Variants in UBLCP1 observed in about 807,000 individuals in gnomAD.
UBLCP1 encodes the protein ubiquitin-like domain-containing CTD phosphatase 1.
In UBLCP1, 28 loss-of-function variants were observed where a neutral mutation model predicts 42.4. The ratio of observed to expected loss-of-function variants is 0.66; its 90% CI spans 0.49 to 0.90. The LOEUF (loss-of-function observed/expected upper bound fraction) is 0.90, where lower values mean the gene tolerates loss of function less well. Ranked by LOEUF, UBLCP1 falls within the 40% of genes least tolerant of loss-of-function variation. The probability of loss-of-function intolerance (pLI) is 0.00; values close to 1 mark genes in which losing one functional copy is unlikely to be tolerated. For missense variants in UBLCP1, 279 were observed against 374.5 expected (o/e 0.75, Z 2.10); for synonymous variants, 122 against 120.8 (o/e 1.01, Z -0.07).
intron 8 of UBLCP1, among the ~76,000 whole-genome samples, chr5:159,277,321 T>G (rs1753551455): frequency 6.6e-6 from 1 of 152,084 alleles, no homozygotes; most frequent in Non-Finnish European, 1.5e-5. Flanking sequence ...TTCTCCAAAT[T>G]AAATTATAGG....
intron 8 of UBLCP1, among the ~76,000 whole-genome samples, chr5:159,275,715 G>A (rs763097769): frequency 1.3e-4 from 20 of 152,146 alleles, no homozygotes; most frequent in Non-Finnish European, 2.6e-4. Flanking sequence ...CCCAGCCAAG[G>A]TTAAAAGATT....
intron 6 of UBLCP1, among the ~76,000 whole-genome samples, chr5:159,273,036 CT>C (rs1220847956): frequency 1.3e-5 from 2 of 152,124 alleles, no homozygotes; most frequent in Admixed American, 1.3e-4. Flanking sequence ...TGTACTAGGT[CT>C]TTGAGAGAAA....
In UBLCP1 at chr5:159,270,598, G is replaced by A; in HGVS notation, c.403G>A (p.Glu135Lys). 2 of 1,609,414 alleles carry A rather than the reference G, an allele frequency of 1.2e-6. No homozygotes were observed. Among genetic ancestry groups the A allele is most frequent in the Non-Finnish European group, 1.7e-6 (2 of 1,178,670 alleles). Residue 135 changes from glutamate (E) to lysine (K), a missense_variant, in exon 5 of 11, where the codon GAA becomes AAA. Glu to Lys is a moderately conservative substitution (Grantham distance 56). Coordinates refer to ENST00000296786, the MANE Select transcript of UBLCP1 (RefSeq NM_145049.5). The stretch of plus-strand genomic sequence containing the variant: ...AGTGGAAATTTTGAATCCTCCCAGG[G>A]AAGGGAAAAAGCTTTTGGTGCTAGA... ...YKVEILNPPR[E>K]GKKLLVLDVD...
At position 159,275,403 on chromosome 5, in the gene UBLCP1, ATTTTTTTTTTTTTT is replaced by A. The variant is rs56675251; in HGVS notation, c.684+171_684+184del. On this transcript the variant is annotated intron_variant, in intron 8 of 10. Transcript: ENST00000296786. ...AGGAAAATGTATTTAAGGTTAAAAG[ATTTTTTTTTTTTTT>A]TTTTTTTTTTTTTGAGATGGAGTCT... 25 of 164,440 alleles carry A rather than the reference ATTTTTTTTTTTTTT, an allele frequency of 1.5e-4. 1 individual carries two copies. The Admixed American group carries it at 2.3e-3, about 15-fold the overall frequency. 10.2% of individuals were successfully genotyped at this position (164,440 alleles called of 1,614,324 possible). A position where few individuals can be genotyped will look rare whatever the true frequency, so the allele number is the denominator to read the frequency against.
At chr5:159,282,373 C>T (rs1753619411) in intron 9 of UBLCP1, among the ~76,000 whole-genome samples, 1 of 151,806 alleles carries the variant, frequency 6.6e-6, no homozygotes, top group Non-Finnish European at 1.5e-5. Context: ...CATGATTTTC[C>T]TTTCCAAAGA....
chr5:159,265,396 G>T (rs904569511), intron 1 of UBLCP1, among the ~76,000 whole-genome samples: 1 of 152,196 alleles, frequency 6.6e-6, no homozygotes, highest in Admixed American at 6.5e-5. Context: ...TGGGAGGAAT[G>T]AGTTTAATGA....
intron 9 of UBLCP1, among the ~76,000 whole-genome samples, chr5:159,282,294 G>A (rs1753618631): frequency 6.6e-6 from 1 of 152,030 alleles, no homozygotes; most frequent in African/African-American, 2.4e-5. Context: ...AAGGAAAAGT[G>A]CATAAATTTA....
intron 8 of UBLCP1, 89 bp from the exon 9 acceptor site, chr5:159,278,149 G>C: frequency 2.3e-6 from 2 of 854,228 alleles, no homozygotes; most frequent in Non-Finnish European, 3.9e-6. Flanking sequence ...CTTTGGCATT[G>C]TTCTGCAGGG....
At chr5:159,269,176 GT>G in intron 2 of UBLCP1, 107 bp downstream of exon 2, 1 of 809,668 alleles carries the variant, frequency 1.2e-6, no homozygotes, top group Non-Finnish European at 1.7e-6. Flanking sequence ...GCTATTTGTA[GT>G]TTAGTAAGTC....
In UBLCP1 at chr5:159,269,033, C is replaced by T. The variant is rs754644579; in HGVS notation, c.118C>T (p.Pro40Ser). 6.3e-6 allele frequency: 10 copies of T among 1,594,128 alleles called. No individual in the cohort carries two copies. ...QFLKTLTGVL[P>S]ERQKLLGLKV... ...TCTCAAGACCCTTACAGGAGTTCTTCCAGAACGCCAAAAGTTACTTGGACT... is the reference window on the plus strand; with the variant it reads ...TCTCAAGACCCTTACAGGAGTTCTTTCAGAACGCCAAAAGTTACTTGGACT... The change falls in exon 2 of 11, where the codon CCA becomes TCA. Residue 40 changes from proline to serine, a missense_variant. By Grantham distance (74) the Pro-to-Ser change is moderately conservative (BLOSUM62 -1). Coordinates refer to ENST00000296786, the MANE Select transcript of UBLCP1 (RefSeq NM_145049.5).
chr5:159,270,207 A>G (rs1584738091), intron 3 of UBLCP1, among the ~76,000 whole-genome samples, 153 bp from the exon 4 acceptor site: 2 of 152,318 alleles, frequency 1.3e-5, no homozygotes, highest in African/African-American at 4.8e-5. Flanking sequence ...CCCAGGAAAC[A>G]TACATAACGA....
chr5:159,278,156 A>C (rs1459669536), intron 8 of UBLCP1, 82 bp from the exon 9 acceptor site: 3 of 911,446 alleles, frequency 3.3e-6, no homozygotes, highest in African/African-American at 1.6e-5. Context: ...ATTGTTCTGC[A>C]GGGCAGTTTG....
At chr5:159,266,498 T>C (rs1023228065) in intron 1 of UBLCP1, among the ~76,000 whole-genome samples, 7 of 152,240 alleles carry the variant, frequency 4.6e-5, no homozygotes, top group African/African-American at 1.7e-4. Flanking sequence ...AGCCTGACTA[T>C]GCAGTAGAAA....
intron 2 of UBLCP1, 54 bp downstream of exon 2, chr5:159,269,123 T>G: frequency 7.7e-7 from 1 of 1,303,748 alleles, no homozygotes; most frequent in Non-Finnish European, 1.0e-6. Flanking sequence ...TATTATGAAT[T>G]TTAATAATTA....
At chr5:159,282,285 A>G (rs1018378700) in intron 9 of UBLCP1, among the ~76,000 whole-genome samples, 1 of 152,184 alleles carries the variant, frequency 6.6e-6, no homozygotes, top group Non-Finnish European at 1.5e-5. Context: ...CTATAAAATA[A>G]GGAAAAGTGC....
At position 159,285,813 on chromosome 5, in the gene UBLCP1, T is replaced by G. The variant is rs563306807; in HGVS notation, c.*882T>G. On this transcript the variant is annotated 3_prime_UTR_variant, in exon 11 of 11. Transcript: ENST00000296786. ...TTCCAGCTATATCTTGTCTAAGTGC[T>G]AACACTGTTTCAGTGAAAATATCTA... 1 of 152,740 alleles carries G rather than the reference T, an allele frequency of 6.5e-6. No homozygotes were observed. The highest frequency in any genetic ancestry group is 1.5e-5 in the Non-Finnish European group (1 of 68,014). The allele number at this position is 152,740 out of a possible 1,614,324, so 9.5% of individuals were successfully genotyped here.
intron 9 of UBLCP1, among the ~76,000 whole-genome samples, chr5:159,282,392 A>T (rs1434229442): frequency 6.6e-6 from 1 of 151,888 alleles, no homozygotes; most frequent in Non-Finnish European, 1.5e-5. Flanking sequence ...GATAAACACT[A>T]TTACCATCTT....
At chr5:159,282,242 T>C (rs1753618246) in intron 9 of UBLCP1, among the ~76,000 whole-genome samples, 1 of 152,188 alleles carries the variant, frequency 6.6e-6, no homozygotes, top group African/African-American at 2.4e-5. Flanking sequence ...TGAGCAGGTG[T>C]CTTTTACAAA....
At chr5:159,282,007 C>T (rs570570008) in intron 9 of UBLCP1, among the ~76,000 whole-genome samples, 6 of 151,626 alleles carry the variant, frequency 4.0e-5, no homozygotes, top group South Asian at 2.1e-4. Flanking sequence ...TTTTTTTTAA[C>T]GATAACAGAA....
Sources: gnomAD v4.1 joint callset for allele counts (sites outside exome capture counted in the v4.1 genomes callset) on GRCh38, gnomAD v4.1.1 for gene constraint, MANE v1.5 for transcripts, NCBI Gene and HGNC (gene_info 2026-07-23, HGNC 2026-07-21) for gene names.